Variants in GALNTL6 observed in about 807,000 individuals in gnomAD.
GALNTL6 encodes polypeptide N-acetylgalactosaminyltransferase-like 6.
A neutral mutation model predicts 73.7 loss-of-function variants in GALNTL6; 46 were observed. That is an observed-to-expected ratio of 0.62 (90% CI 0.49 to 0.80). The LOEUF (loss-of-function observed/expected upper bound fraction) is 0.80. Among genes scored for constraint, GALNTL6 ranks in the 30% least tolerant of loss-of-function variants. GALNTL6 has a pLI of 0.00. For synonymous variants in GALNTL6, 259 were observed against 263.7 expected, an observed-to-expected ratio of 0.98 and a Z score of 0.17; for missense variants, 604 against 755.0, an observed-to-expected ratio of 0.80 and a Z score of 2.34.
chr4:171,845,005 C>T (rs478834), intron 2 of GALNTL6, among the ~76,000 whole-genome samples: 112,658 of 152,058 alleles, frequency 0.74, 41,961 homozygotes, highest in South Asian at 0.87. Context: ...TTCTCCATTC[C>T]ATGAATAATA....
At chr4:172,467,896 T>G (rs577482254) in intron 5 of GALNTL6, among the ~76,000 whole-genome samples, 241 of 148,328 alleles carry the variant, frequency 1.6e-3, no homozygotes, top group African/African-American at 5.2e-3. Context: ...TTCTTTCTTT[T>G]TTTTTTTTTT....
intron 5 of GALNTL6, among the ~76,000 whole-genome samples, chr4:172,496,550 G>A (rs937207539): frequency 1.3e-5 from 2 of 151,956 alleles, no homozygotes; most frequent in Non-Finnish European, 2.9e-5. Context: ...AAAAAATTAG[G>A]CAAACACCTG....
intron 2 of GALNTL6, among the ~76,000 whole-genome samples, chr4:172,037,496 C>T (rs1189692525): frequency 6.6e-6 from 1 of 152,156 alleles, no homozygotes; most frequent in Admixed American, 6.6e-5. Context: ...GCTATACCTG[C>T]TCACATAAAA....
At chr4:171,935,871 T>C (rs332983) in intron 2 of GALNTL6, among the ~76,000 whole-genome samples, 116,851 of 151,984 alleles carry the variant, frequency 0.77, 45,224 homozygotes, top group Admixed American at 0.86. Context: ...AGGTAAAGAA[T>C]GAAGACCTCT....
chr4:171,863,593 A>C (rs1299019579), intron 2 of GALNTL6, among the ~76,000 whole-genome samples: 1 of 152,070 alleles, frequency 6.6e-6, no homozygotes, highest in Admixed American at 6.6e-5. Context: ...ATGTTACAAT[A>C]GTTGTTCTAA....
intron 5 of GALNTL6, among the ~76,000 whole-genome samples, chr4:172,358,602 T>C (rs1401832732): frequency 6.6e-6 from 1 of 152,152 alleles, no homozygotes; most frequent in African/African-American, 2.4e-5. Flanking sequence ...TCTTCCAGTG[T>C]GGCCCAGGGA....
chr4:172,451,436 A>C lies in GALNTL6; in HGVS notation c.553+102747A>C, dbSNP rs114332360. Among the ~76,000 whole-genome samples the C allele has an allele frequency of 4.2e-3, 634 of 152,304 alleles. 5 individuals carry two copies. The highest frequency in any genetic ancestry group is 0.014 in the African/African-American group (570 of 41,556). On this transcript the variant is annotated intron_variant, in intron 5 of 12. Coordinates refer to ENST00000506823, the MANE Select transcript of GALNTL6 (RefSeq NM_001034845.3). ...AACCACAAAGACCCATTTAACCTTT[A>C]TAGTTAAGACCTCAAGTCTCTTAAT...
At chr4:172,786,153 T>C (rs1739644091) in intron 5 of GALNTL6, among the ~76,000 whole-genome samples, 1 of 151,992 alleles carries the variant, frequency 6.6e-6, no homozygotes, top group Non-Finnish European at 1.5e-5. Context: ...TGAACTCCAA[T>C]TCGCTCTAAT....
At chr4:172,569,589 TCAA>T (rs772812786) in intron 5 of GALNTL6, among the ~76,000 whole-genome samples, 245 of 152,332 alleles carry the variant, frequency 1.6e-3, no homozygotes, top group Middle Eastern at 3.4e-3. Flanking sequence ...TTACTCGGCA[TCAA>T]CAGCAGCCTT....
intron 2 of GALNTL6, among the ~76,000 whole-genome samples, chr4:171,941,741 T>C (rs1738550244): frequency 6.6e-6 from 1 of 152,174 alleles, no homozygotes; most frequent in African/African-American, 2.4e-5. Flanking sequence ...AAGAATCCAT[T>C]GATATTCTTG....
chr4:172,705,875 T>A (rs1734321014), intron 5 of GALNTL6, among the ~76,000 whole-genome samples: 1 of 152,002 alleles, frequency 6.6e-6, no homozygotes, highest in Non-Finnish European at 1.5e-5. Context: ...TATGATTTAA[T>A]TTTTTTTCTG....
At chr4:172,163,426 C>A (rs1353112076) in intron 2 of GALNTL6, among the ~76,000 whole-genome samples, 1 of 151,942 alleles carries the variant, frequency 6.6e-6, no homozygotes, top group African/African-American at 2.4e-5. Context: ...CTTCATCCTA[C>A]TGTGTAGATA....
At chr4:172,467,569 G>A (rs1732867931) in intron 5 of GALNTL6, among the ~76,000 whole-genome samples, 1 of 152,118 alleles carries the variant, frequency 6.6e-6, no homozygotes, top group African/African-American at 2.4e-5. Flanking sequence ...AGTATGTCTG[G>A]TATCTTGAGG....
intron 5 of GALNTL6, among the ~76,000 whole-genome samples, chr4:172,481,073 T>A (rs1733445074): frequency 6.6e-6 from 1 of 152,176 alleles, no homozygotes; most frequent in Non-Finnish European, 1.5e-5. Flanking sequence ...GTTACAGTTC[T>A]TAAAGGTGGT....
chr4:172,769,027 G>T (rs568815835), intron 5 of GALNTL6, among the ~76,000 whole-genome samples: 1 of 152,100 alleles, frequency 6.6e-6, no homozygotes, highest in Admixed American at 6.5e-5. Context: ...TTGAGCAAAG[G>T]CACAGTGTAG....
In GALNTL6 at chr4:172,862,281, G is replaced by C. The variant is rs141924986; in HGVS notation, c.924-20509G>C. 3.9e-3 allele frequency among the ~76,000 whole-genome samples: 599 copies of C among 152,340 alleles called. 11 individuals are homozygous for C. The highest frequency in any genetic ancestry group is 6.8e-3 in the Middle Eastern group (2 of 294). On this transcript the variant is annotated intron_variant, in intron 7 of 12. Coordinates refer to ENST00000506823, the MANE Select transcript of GALNTL6 (RefSeq NM_001034845.3). ...GTAAAGGTCACTCTTGCTGTGCAAA[G>C]AGACTGGTGGCATTTAGCCCCTGCC...
At chr4:172,520,251 TG>T in intron 5 of GALNTL6, among the ~76,000 whole-genome samples, 1 of 152,050 alleles carries the variant, frequency 6.6e-6, no homozygotes, top group Admixed American at 6.5e-5. Context: ...CATAATCTAT[TG>T]TTCATTATAG....
chr4:171,917,844 A>G (rs532823990), intron 2 of GALNTL6, among the ~76,000 whole-genome samples: 9 of 152,250 alleles, frequency 5.9e-5, no homozygotes, highest in Middle Eastern at 3.4e-3. Flanking sequence ...ATGACATTAT[A>G]TCCAGATATT....
intron 5 of GALNTL6, among the ~76,000 whole-genome samples, chr4:172,530,245 G>T (rs1027748585): frequency 1.3e-5 from 2 of 152,002 alleles, no homozygotes; most frequent in South Asian, 2.1e-4. Context: ...TCGATAATTT[G>T]TCTCTTCCTT....
Sources: allele counts gnomAD v4.1 joint callset (sites outside exome capture counted in the v4.1 genomes callset), GRCh38; gene constraint gnomAD v4.1.1; transcripts MANE v1.5; gene names NCBI Gene and HGNC (gene_info 2026-07-23, HGNC 2026-07-21).